The following PRUNE2 variants were observed in gnomAD, a reference collection of about 807,000 sequenced individuals.
PRUNE2 encodes the protein protein prune homolog 2.
Under a neutral mutation model 252.0 loss-of-function variants are expected in PRUNE2, and 164 were observed. The ratio of observed to expected loss-of-function variants is 0.65; its 90% CI spans 0.57 to 0.74. The LOEUF is 0.74. Ranked by LOEUF, PRUNE2 falls within the 30% of genes least tolerant of loss-of-function variation. The pLI is 0.00. For missense variants in PRUNE2, 3,495 were observed against 3,711.0 expected, an observed-to-expected ratio of 0.94 and a Z score of 1.51; for synonymous variants, 1,292 against 1,350.2, an observed-to-expected ratio of 0.96 and a Z score of 0.94.
At chr9:76,676,748 G>C (rs2042656306) in intron 9 of PRUNE2, among the ~76,000 whole-genome samples, 1 of 152,204 alleles carries the variant, frequency 6.6e-6, no homozygotes, top group Non-Finnish European at 1.5e-5. Context: ...AGTAATTTCA[G>C]TTGTTTATCA....
At chr9:76,884,676 A>C (rs2061985594) in intron 1 of PRUNE2, among the ~76,000 whole-genome samples, 1 of 152,106 alleles carries the variant, frequency 6.6e-6, no homozygotes, top group East Asian at 1.9e-4. Flanking sequence ...AAAAGTTTTT[A>C]TTTCCCATTG....
chr9:76,705,063 G>C lies in PRUNE2; in HGVS notation c.7211C>G (p.Pro2404Arg). The C allele has an allele frequency of 6.2e-7, 1 of 1,614,012 alleles. No homozygotes were observed. The highest frequency in any genetic ancestry group is 8.5e-7 in the Non-Finnish European group (1 of 1,179,898). The change falls in exon 8 of 19, where the codon CCT becomes CGT. Residue 2404 changes from proline to arginine, a missense_variant. Transcript: ENST00000376718. ...PPFDLSYLTE[P>R]AQSAETIEEA... ...CTCTATTGTTTCAGCACTCTGGGCA[G>C]GTTCTGTGAGATAAGACAAATCAAA...
Position 76,612,894 on chromosome 9 carries a change from A to G in PRUNE2, c.*1676T>C, listed in dbSNP as rs777099370. ...CAAATATCCTGGACAGCTCTCCCCA[A>G]TGAATTTTCCACCATGAGACTAGGG... is the stretch of plus-strand genomic sequence containing the variant. On this transcript the variant is annotated 3_prime_UTR_variant, in exon 19 of 19. Coordinates refer to ENST00000376718, the MANE Select transcript of PRUNE2 (RefSeq NM_015225.3). 9.9e-5 allele frequency: 15 copies of G among 152,160 alleles called. No homozygotes were observed. Among genetic ancestry groups the G allele is most frequent in the Non-Finnish European group, 1.5e-4 (10 of 68,030 alleles). 9.4% of individuals were successfully genotyped at this position (152,160 alleles called of 1,614,324 possible). A position where few individuals can be genotyped will look rare whatever the true frequency, so the allele number is the denominator to read the frequency against.
At chr9:76,714,055 G>A (rs1452942274) in intron 6 of PRUNE2, among the ~76,000 whole-genome samples, 1 of 152,034 alleles carries the variant, frequency 6.6e-6, no homozygotes, top group Non-Finnish European at 1.5e-5. Flanking sequence ...TCGCTTATAG[G>A]ATCTATATAC....
intron 1 of PRUNE2, among the ~76,000 whole-genome samples, chr9:76,876,838 G>C (rs2061501921): frequency 6.6e-6 from 1 of 152,166 alleles, no homozygotes; most frequent in African/African-American, 2.4e-5. Context: ...AGTGACTCTA[G>C]AGAAATGCTA....
At chr9:76,904,689 C>G (rs976785907) in intron 1 of PRUNE2, among the ~76,000 whole-genome samples, 1 of 152,206 alleles carries the variant, frequency 6.6e-6, no homozygotes, top group African/African-American at 2.4e-5. Context: ...CACAAACTTC[C>G]TCAACTCGGA....
intron 6 of PRUNE2, among the ~76,000 whole-genome samples, chr9:76,795,616 G>T (rs961106629): frequency 6.6e-6 from 1 of 152,112 alleles, no homozygotes; most frequent in African/African-American, 2.4e-5. Context: ...TCTTGTACAC[G>T]AGCCTAAAAG....
At chr9:76,704,723 G>C in intron 8 of PRUNE2, 38 bp downstream of exon 8, 1 of 1,357,354 alleles carries the variant, frequency 7.4e-7, no homozygotes. Flanking sequence ...AATCAACGCA[G>C]CAGTTTCTTG....
intron 6 of PRUNE2, among the ~76,000 whole-genome samples, chr9:76,762,963 G>A (rs548653750): frequency 6.6e-6 from 1 of 152,284 alleles, no homozygotes; most frequent in South Asian, 2.1e-4. Context: ...ACTCCCCACT[G>A]TGTCTTTGGC....
intron 1 of PRUNE2, among the ~76,000 whole-genome samples, chr9:76,865,806 TACACACACACACACACACAC>T (rs34661457): frequency 7.9e-6 from 1 of 127,152 alleles, no homozygotes; most frequent in Admixed American, 7.9e-5. Context: ...TCTCTCTCCC[TACACACACACACACACACAC>T]ACACACACAC....
intron 9 of PRUNE2, among the ~76,000 whole-genome samples, chr9:76,694,094 G>A (rs1038116915): frequency 2.1e-4 from 32 of 152,180 alleles, no homozygotes; most frequent in African/African-American, 7.5e-4. Context: ...TCATTAGAAG[G>A]GGCTTCCTTC....
At chr9:76,752,527 G>A (rs12005308) in intron 6 of PRUNE2, among the ~76,000 whole-genome samples, 27 of 141,898 alleles carry the variant, frequency 1.9e-4, no homozygotes, top group Middle Eastern at 3.4e-3. Flanking sequence ...TAGGATATTA[G>A]AAAGTTTTTT....
At chr9:76,634,766 T>C (rs1010034903) in intron 15 of PRUNE2, among the ~76,000 whole-genome samples, 2 of 152,226 alleles carry the variant, frequency 1.3e-5, no homozygotes, top group African/African-American at 4.8e-5. Context: ...TCTTTTAACA[T>C]TACTTAATCA....
Position 76,629,291 on chromosome 9 carries a change from CT to C in PRUNE2, c.9051-2del. On this transcript the variant is annotated splice_acceptor_variant, in intron 15 of 18. Coordinates refer to ENST00000376718, the MANE Select transcript of PRUNE2 (RefSeq NM_015225.3). LOFTEE classifies it high-confidence loss of function. ...TTTAATTTTACTGCTGAATTTTGAACTAAAAAAAAAAAAAAGAAAAAAATAT... is the reference window on the plus strand; with the variant it reads ...TTTAATTTTACTGCTGAATTTTGAACAAAAAAAAAAAAAAGAAAAAAATAT... 4 of 1,347,302 alleles carry C rather than the reference CT, an allele frequency of 3.0e-6. No individual in the cohort carries two copies. The highest frequency in any genetic ancestry group is 1.3e-5 in the South Asian group (1 of 74,428). The allele number at this position is 1,347,302 out of a possible 1,614,324, so 83.5% of individuals were successfully genotyped here.
intron 16 of PRUNE2, among the ~76,000 whole-genome samples, chr9:76,627,070 TGTGA>T (rs984062459): frequency 1.5e-4 from 22 of 151,416 alleles, no homozygotes; most frequent in African/African-American, 5.1e-4. Flanking sequence ...TCTTATAGAA[TGTGA>T]GTGTTTCCAT....
intron 6 of PRUNE2, among the ~76,000 whole-genome samples, chr9:76,804,124 G>T (rs1327384823): frequency 6.6e-6 from 1 of 151,462 alleles, no homozygotes; most frequent in Non-Finnish European, 1.5e-5. Flanking sequence ...TTTTTCCAGG[G>T]TGCAGGCTGC....
chr9:76,677,978 C>G (rs780346492), intron 9 of PRUNE2, among the ~76,000 whole-genome samples: 15 of 152,184 alleles, frequency 9.9e-5, no homozygotes, highest in Non-Finnish European at 2.1e-4. Context: ...TATCTTTATG[C>G]CAGCGTTTGC....
chr9:76,747,018 G>T (rs1433102968), intron 6 of PRUNE2, among the ~76,000 whole-genome samples: 1 of 152,236 alleles, frequency 6.6e-6, no homozygotes, highest in African/African-American at 2.4e-5. Flanking sequence ...TGGGTCAGAA[G>T]TTCCAGAAGC....
intron 6 of PRUNE2, among the ~76,000 whole-genome samples, chr9:76,813,156 A>G (rs1452025384): frequency 6.6e-6 from 1 of 152,172 alleles, no homozygotes; most frequent in Non-Finnish European, 1.5e-5. Flanking sequence ...CATTTACGCT[A>G]TGGAAATTGG....
Sources: gnomAD v4.1 joint callset for allele counts (sites outside exome capture counted in the v4.1 genomes callset) on GRCh38, gnomAD v4.1.1 for gene constraint, MANE v1.5 for transcripts, NCBI Gene and HGNC (gene_info 2026-07-23, HGNC 2026-07-21) for gene names.